Variants in CCDC68 observed in about 807,000 individuals in gnomAD.
The protein encoded by CCDC68 is coiled-coil domain containing 68.
Under a neutral mutation model 47.1 loss-of-function variants are expected in CCDC68, and 45 were observed. That is an observed-to-expected ratio of 0.96 (90% confidence interval 0.75 to 1.23). The LOEUF is 1.23. Ranked by LOEUF, CCDC68 falls within the 50% of genes most tolerant of loss-of-function variation. CCDC68 has a pLI of 0.00. For synonymous variants in CCDC68, 131 were observed against 129.5 expected (o/e 1.01, Z -0.08); for missense variants, 353 against 373.6 (o/e 0.94, Z 0.45).
At chr18:54,931,663 A>ATGT in intron 7 of CCDC68, among the ~76,000 whole-genome samples, 1 of 152,212 alleles carries the variant, frequency 6.6e-6, no homozygotes, top group Non-Finnish European at 1.5e-5. Context: ...ATGACACTAG[A>ATGT]AAACAAATAT....
chr18:54,948,413 C>T (rs1255174378), intron 1 of CCDC68, among the ~76,000 whole-genome samples: 1 of 152,174 alleles, frequency 6.6e-6, no homozygotes, highest in Non-Finnish European at 1.5e-5. Flanking sequence ...TCTCCCACAG[C>T]CTTCAAGAGG....
intron 1 of CCDC68, among the ~76,000 whole-genome samples, chr18:54,950,615 A>C (rs547449609): frequency 2.0e-5 from 3 of 152,328 alleles, no homozygotes; most frequent in Admixed American, 2.0e-4. Context: ...CCAGTGCTAT[A>C]GAAAATTCTT....
At chr18:54,954,527 A>G (rs1336984788) in intron 1 of CCDC68, 2 of 152,186 alleles carry the variant, frequency 1.3e-5, no homozygotes, top group Non-Finnish European at 2.9e-5. Context: ...GATCACAACA[A>G]TGTAAGTGAC....
chr18:54,926,569 A>T (rs983175634), intron 8 of CCDC68, among the ~76,000 whole-genome samples: 2 of 152,140 alleles, frequency 1.3e-5, no homozygotes, highest in Admixed American at 1.3e-4. Flanking sequence ...AATCCCAAAT[A>T]TGTTTCCCCA....
rs777437564 is a variant in CCDC68, at chr18:54,934,868, T to C, written c.552A>G (p.Lys184=). ...TCTCCAATTCTGTAATTTGACTGTGTTTTTCTTCAAGTTTTTCAGCAACTT... is the reference window on the plus strand; with the variant it reads ...TCTCCAATTCTGTAATTTGACTGTGCTTTTCTTCAAGTTTTTCAGCAACTT... The part of the protein sequence containing the change: ...LNQVAEKLEE[K]HSQITELENL... Residue 184 remains lysine (K), a synonymous_variant, in exon 7 of 12, where the codon AAA becomes AAG. Transcript: ENST00000591504. The C allele has an allele frequency of 1.2e-6, 2 of 1,604,326 alleles. No homozygotes were observed. The highest frequency in any genetic ancestry group is 3.4e-5 in the Admixed American group (2 of 58,398).
intron 8 of CCDC68, among the ~76,000 whole-genome samples, chr18:54,920,854 A>C (rs1410313534): frequency 6.6e-6 from 1 of 152,226 alleles, no homozygotes; most frequent in Non-Finnish European, 1.5e-5. Context: ...GTATATACCC[A>C]AAGGAAAACC....
rs557078965 is a variant in CCDC68 at position 54,912,256 on chromosome 18, G to A, written c.874-4394C>T. Among the ~76,000 whole-genome samples, 11 of 152,278 alleles carry A rather than the reference G, an allele frequency of 7.2e-5. No homozygotes were observed. In the South Asian group the frequency reaches 2.1e-3, roughly 29 times the overall value. ...TAGAAATGCAAGAAATATAAGATGAGTGTCAGAGCTGTAAATTAAGATGAT... is the reference window on the plus strand; with the variant it reads ...TAGAAATGCAAGAAATATAAGATGAATGTCAGAGCTGTAAATTAAGATGAT... On this transcript the variant is annotated intron_variant, in intron 10 of 11. Coordinates refer to ENST00000591504, the MANE Select transcript of CCDC68 (RefSeq NM_025214.3).
At chr18:54,911,634 AT>A (rs1452563838) in intron 10 of CCDC68, among the ~76,000 whole-genome samples, 1 of 152,146 alleles carries the variant, frequency 6.6e-6, no homozygotes, top group African/African-American at 2.4e-5. Flanking sequence ...GCAGGCACAT[AT>A]TATAGGCCAA....
chr18:54,945,221 G>A (rs1338125243), intron 2 of CCDC68, among the ~76,000 whole-genome samples, 167 bp downstream of exon 2: 1 of 152,164 alleles, frequency 6.6e-6, no homozygotes, highest in Admixed American at 6.5e-5. Flanking sequence ...TGAGTCTATA[G>A]GGTTCATTGT....
At position 54,917,974 on chromosome 18, in the gene CCDC68, A is replaced by T; in HGVS notation, c.812T>A (p.Leu271Ter). 1 of 1,524,784 alleles carries T rather than the reference A, an allele frequency of 6.6e-7. No homozygotes were observed. The allele number at this position is 1,524,784 out of a possible 1,614,324, so 94.5% of individuals were successfully genotyped here. A position where few individuals can be genotyped will look rare whatever the true frequency, so the allele number is the denominator to read the frequency against. ...TTCAATTCTTTTGTCTTGTTCTTTT[A>T]AATTATTTTTTAATCCTTCCATCTA... The part of the protein sequence containing the change: ...IQEMEGLKNN[L>*]KEQDKRIENL... The change falls in exon 10 of 12, where the codon TTA becomes TAA. Residue 271 changes from leucine to a stop codon, truncating the protein, a stop_gained. Transcript: ENST00000591504. LOFTEE classifies it high-confidence loss of function.
intron 1 of CCDC68, among the ~76,000 whole-genome samples, chr18:54,955,166 A>T (rs1255365600): frequency 6.6e-6 from 1 of 152,018 alleles, no homozygotes; most frequent in Admixed American, 6.6e-5. Flanking sequence ...GAAAAAAAAA[A>T]TTTAATTAGC....
chr18:54,950,870 A>G (rs1358126718), intron 1 of CCDC68, among the ~76,000 whole-genome samples: 1 of 143,744 alleles, frequency 7.0e-6, no homozygotes, highest in Non-Finnish European at 1.5e-5. Flanking sequence ...AACTGAACAC[A>G]ATTAGGTTGA....
chr18:54,918,159 C>T (rs2043988624), intron 9 of CCDC68, among the ~76,000 whole-genome samples, 163 bp from the exon 10 acceptor site: 1 of 152,160 alleles, frequency 6.6e-6, no homozygotes, highest in Non-Finnish European at 1.5e-5. Context: ...CAGAAAATAG[C>T]AGGCCAAACT....
chr18:54,921,180 G>A (rs139276143), intron 8 of CCDC68, among the ~76,000 whole-genome samples: 104 of 152,172 alleles, frequency 6.8e-4, no homozygotes, highest in African/African-American at 2.3e-3. Flanking sequence ...AACAATAGAC[G>A]CTGCGGACTA....
intron 1 of CCDC68, chr18:54,959,096 C>T (rs2044759066): frequency 6.6e-6 from 1 of 152,242 alleles, no homozygotes; most frequent in Non-Finnish European, 1.5e-5. Flanking sequence ...GGGTTCCTCT[C>T]TGCGGAAAAG....
chr18:54,929,550 A>AT (rs1701346062), intron 7 of CCDC68, among the ~76,000 whole-genome samples: 1 of 152,184 alleles, frequency 6.6e-6, no homozygotes. Context: ...TTCATTTTAT[A>AT]TTTGATGGCA....
chr18:54,908,007 C>T lies in CCDC68; in HGVS notation c.874-145G>A, dbSNP rs1449588902. 3 of 594,228 alleles carry T rather than the reference C, an allele frequency of 5.0e-6. No homozygotes were observed. The African/African-American group carries it at 5.6e-5, about 11-fold the overall frequency. 36.8% of individuals were successfully genotyped at this position (594,228 alleles called of 1,614,324 possible). On this transcript the variant is annotated intron_variant, in intron 10 of 11. Transcript: ENST00000591504. ...TATGCTATAGAACACAGAAAATAGC[C>T]AGTTGAAAGTCACTAAATATTATCT...
At chr18:54,952,415 A>G (rs2044634180) in intron 1 of CCDC68, among the ~76,000 whole-genome samples, 1 of 152,192 alleles carries the variant, frequency 6.6e-6, no homozygotes, top group African/African-American at 2.4e-5. Flanking sequence ...AATTTATGTC[A>G]TTTAAAAAAA....
At chr18:54,940,955 G>C in intron 4 of CCDC68, 42 bp downstream of exon 4, 1 of 1,421,866 alleles carries the variant, frequency 7.0e-7, no homozygotes, top group Non-Finnish European at 9.8e-7. Context: ...ACTTTAAAAA[G>C]TCTAAATGGC....
Sources: allele counts gnomAD v4.1 joint callset (sites outside exome capture counted in the v4.1 genomes callset), GRCh38; gene constraint gnomAD v4.1.1; transcripts MANE v1.5; gene names NCBI Gene and HGNC (gene_info 2026-07-23, HGNC 2026-07-21).